MAST4: variants seen among roughly 807,000 people sequenced by gnomAD.
MAST4 encodes the protein microtubule-associated serine/threonine-protein kinase 4.
MAST4 carries 89 observed loss-of-function variants against 162.7 expected under a neutral mutation model. That is an observed-to-expected ratio of 0.55 (90% confidence interval 0.46 to 0.65). MAST4 has a LOEUF of 0.65. Among genes scored for constraint, MAST4 ranks in the 30% least tolerant of loss-of-function variants. MAST4 has a pLI of 0.00. For missense variants in MAST4, 3,153 were observed against 3,374.0 expected, an observed-to-expected ratio of 0.93 and a Z score of 1.62; for synonymous variants, 1,479 against 1,361.1, an observed-to-expected ratio of 1.09 and a Z score of -1.91.
rs114294694 is a variant in MAST4 at position 66,721,888 on chromosome 5, C to T, written c.364-37821C>T. 7.1e-3 allele frequency among the ~76,000 whole-genome samples: 1,082 copies of T among 152,026 alleles called. 17 individuals are homozygous for T. The highest frequency in any genetic ancestry group is 0.025 in the African/African-American group (1,027 of 41,438). On this transcript the variant is annotated intron_variant, in intron 1 of 28. Transcript: ENST00000403625. ...AAATCATTCTTTACTATTTATACTC[C>T]GTATCTAGGCTATTGGGCAACTCTT...
At chr5:66,931,304 C>T (rs993728802) in intron 4 of MAST4, among the ~76,000 whole-genome samples, 1 of 152,062 alleles carries the variant, frequency 6.6e-6, no homozygotes, top group Non-Finnish European at 1.5e-5. Context: ...AGGTTTATTT[C>T]TGATCGCAGG....
chr5:67,078,654 A>C (rs945062049), intron 5 of MAST4, among the ~76,000 whole-genome samples: 1 of 129,400 alleles, frequency 7.7e-6, no homozygotes, highest in Non-Finnish European at 1.5e-5. Context: ...ATCTTTATAT[A>C]TATTTATTTT....
At chr5:66,882,405 G>A (rs192295) in intron 3 of MAST4, among the ~76,000 whole-genome samples, 71,141 of 151,746 alleles carry the variant, frequency 0.47, 16,969 homozygotes, top group East Asian at 0.66. Context: ...GATCTTAGGC[G>A]TTCTTTATAT....
rs570677514 is a variant in MAST4 at position 67,165,864 on chromosome 5, A to C, written c.6685A>C (p.Thr2229Pro). 8 of 1,613,262 alleles carry C rather than the reference A, an allele frequency of 5.0e-6. No individual in the cohort carries two copies. In the South Asian group the frequency reaches 8.8e-5, roughly 18 times the overall value. The part of the protein sequence containing the change: ...VGATKGKEPA[T>P]QSLGGSSREG... The stretch of plus-strand genomic sequence containing the variant: ...GGCCACAAAGGGCAAAGAGCCTGCC[A>C]CTCAGTCCCTCGGTGGCTCTAGCAG... Residue 2229 changes from threonine to proline, a missense_variant, in exon 29 of 29, where the codon ACT (threonine) becomes CCT (proline). Transcript: ENST00000403625.
chr5:66,886,778 G>C (rs1377359094), intron 3 of MAST4, among the ~76,000 whole-genome samples: 2 of 151,108 alleles, frequency 1.3e-5, no homozygotes, highest in Non-Finnish European at 2.9e-5. Flanking sequence ...GTTGCAGATG[G>C]CTGCATTCAC....
intron 4 of MAST4, among the ~76,000 whole-genome samples, chr5:66,914,344 T>C (rs557959288): frequency 1.1e-3 from 168 of 152,242 alleles, no homozygotes; most frequent in Admixed American, 2.2e-3. Flanking sequence ...AGGACCAGGC[T>C]GGGGAGATTG....
intron 23 of MAST4, 76 bp from the exon 24 acceptor site, chr5:67,149,313 G>A (rs1360086567): frequency 3.7e-6 from 5 of 1,336,258 alleles, no homozygotes; most frequent in Non-Finnish European, 5.3e-6. Flanking sequence ...TCTTCCTGCT[G>A]TCTCTCTCTT....
intron 1 of MAST4, among the ~76,000 whole-genome samples, chr5:66,628,234 A>G (rs1744567907): frequency 6.6e-6 from 1 of 151,486 alleles, no homozygotes. Context: ...GGATTTCCGT[A>G]TGTTGCCTAG....
intron 1 of MAST4, among the ~76,000 whole-genome samples, chr5:66,692,087 A>G (rs904391916): frequency 2.0e-5 from 3 of 152,148 alleles, no homozygotes; most frequent in Admixed American, 6.5e-5. Context: ...TACAGGTTAC[A>G]CTGCACTCTC....
chr5:67,105,049 GTTC>G (rs1446092986), intron 10 of MAST4, among the ~76,000 whole-genome samples: 1 of 152,174 alleles, frequency 6.6e-6, no homozygotes, highest in Non-Finnish European at 1.5e-5. Context: ...ATTAGTGTCA[GTTC>G]TTCTTCTAAC....
intron 4 of MAST4, among the ~76,000 whole-genome samples, chr5:67,025,998 T>C (rs932860477): frequency 1.3e-5 from 2 of 152,204 alleles, no homozygotes; most frequent in Non-Finnish European, 2.9e-5. Flanking sequence ...CCTACCTACT[T>C]GTCAGGCTTG....
chr5:66,870,086 C>A (rs190532829), intron 3 of MAST4, among the ~76,000 whole-genome samples: 1 of 152,214 alleles, frequency 6.6e-6, no homozygotes, highest in East Asian at 1.9e-4. Flanking sequence ...TATGCCTTTC[C>A]GTGTGACCCA....
At chr5:67,019,965 G>A (rs185975129) in intron 4 of MAST4, among the ~76,000 whole-genome samples, 53 of 152,288 alleles carry the variant, frequency 3.5e-4, no homozygotes, top group Admixed American at 3.1e-3. Flanking sequence ...TGGGAACCTT[G>A]TCTTCAGGTT....
At chr5:66,780,583 A>G (rs1754820992) in intron 2 of MAST4, among the ~76,000 whole-genome samples, 1 of 152,208 alleles carries the variant, frequency 6.6e-6, no homozygotes, top group South Asian at 2.1e-4. Flanking sequence ...TATTGTGAAG[A>G]GTGAAAGAAC....
intron 3 of MAST4, among the ~76,000 whole-genome samples, chr5:66,824,934 G>A (rs2149741206): frequency 6.6e-6 from 1 of 152,300 alleles, no homozygotes; most frequent in South Asian, 2.1e-4. Flanking sequence ...GGAAGTTGCT[G>A]TGGGTGAGTC....
intron 5 of MAST4, among the ~76,000 whole-genome samples, chr5:67,070,576 T>G (rs75841776): frequency 0.019 from 2,968 of 152,358 alleles, 107 homozygotes; most frequent in African/African-American, 0.068. Context: ...GTTTGATAGC[T>G]AATCATGCAT....
chr5:66,807,078 G>C (rs887045704), intron 3 of MAST4, among the ~76,000 whole-genome samples: 23 of 152,138 alleles, frequency 1.5e-4, no homozygotes, highest in African/African-American at 5.3e-4. Context: ...ATAGTCATGG[G>C]TACATGAGAT....
intron 5 of MAST4, among the ~76,000 whole-genome samples, chr5:67,074,412 CAT>C (rs1172167273): frequency 6.6e-6 from 1 of 152,064 alleles, no homozygotes; most frequent in East Asian, 1.9e-4. Flanking sequence ...AAATAGTTCA[CAT>C]GACTTGAACT....
rs572897940 is a variant in MAST4, at chr5:66,856,086, GGAGTC to G, written c.643-43864_643-43860del. 1.8e-4 allele frequency among the ~76,000 whole-genome samples: 28 copies of G among 152,298 alleles called. 1 individual carries two copies. In the South Asian group the frequency reaches 5.8e-3, roughly 32 times the overall value. The stretch of plus-strand genomic sequence containing the variant: ...CAGGTGGGAGGACTGCTTGAGCTCA[GGAGTC>G]TGAGGCTGCAGTGAGCCATGATTGC... On this transcript the variant is annotated intron_variant, in intron 3 of 28. Transcript: ENST00000403625.
Sources: allele counts gnomAD v4.1 joint callset (sites outside exome capture counted in the v4.1 genomes callset), GRCh38; gene constraint gnomAD v4.1.1; transcripts MANE v1.5; gene names NCBI Gene and HGNC (gene_info 2026-07-23, HGNC 2026-07-21).